Variants in FREM1 observed in about 807,000 individuals in gnomAD.
FREM1 encodes the protein FRAS1 related extracellular matrix 1.
A neutral mutation model predicts 210.1 loss-of-function variants in FREM1; 220 were observed. The ratio of observed to expected loss-of-function variants is 1.05; its 90% CI spans 0.94 to 1.17. The LOEUF (loss-of-function observed/expected upper bound fraction) is 1.17. Ranked by LOEUF, FREM1 falls within the 50% of genes most tolerant of loss-of-function variation. FREM1 has a pLI of 0.00. For missense variants in FREM1, 3,454 were observed against 2,675.5 expected, an observed-to-expected ratio of 1.29 and a Z score of -6.42; for synonymous variants, 1,189 against 980.2, an observed-to-expected ratio of 1.21 and a Z score of -3.98.
chr9:14,738,020 C>T (rs561485728), intron 36 of FREM1, among the ~76,000 whole-genome samples: 11 of 152,238 alleles, frequency 7.2e-5, no homozygotes, highest in African/African-American at 1.9e-4. Flanking sequence ...TATTCTCTTG[C>T]ATATTATTTT....
At chr9:14,879,297 G>GC (rs1834361202) in intron 1 of FREM1, among the ~76,000 whole-genome samples, 1 of 131,242 alleles carries the variant, frequency 7.6e-6, no homozygotes, top group South Asian at 2.3e-4. Flanking sequence ...CATTTTCTGT[G>GC]CCCATAACAC....
intron 1 of FREM1, among the ~76,000 whole-genome samples, chr9:14,908,759 C>T (rs1012472788): frequency 3.3e-5 from 5 of 152,170 alleles, no homozygotes; most frequent in Non-Finnish European, 7.3e-5. Context: ...CCAAGTGTGA[C>T]CCACCTGCTT....
rs549679158 is a variant in FREM1 at position 14,839,598 on chromosome 9, T to C, written c.1881+1849A>G. ...CACAGGGAATAAACTTATAACTAGA[T>C]CTACAGAGTTTAGTTTGACCAATTT... On this transcript the variant is annotated intron_variant, in intron 10 of 36. Coordinates refer to ENST00000380880, the MANE Select transcript of FREM1 (RefSeq NM_001379081.2). 2.6e-5 allele frequency among the ~76,000 whole-genome samples: 4 copies of C among 152,334 alleles called. No homozygotes were observed. The East Asian group carries it at 7.7e-4, about 29-fold the overall frequency.
intron 1 of FREM1, among the ~76,000 whole-genome samples, chr9:14,879,326 G>C (rs886514426): frequency 6.9e-6 from 1 of 145,696 alleles, no homozygotes; most frequent in African/African-American, 2.6e-5. Context: ...AGGAGGTTGA[G>C]ATTCTTGACT....
intron 15 of FREM1, 73 bp from the exon 16 acceptor site, chr9:14,813,137 C>T (rs1315709936): frequency 6.9e-7 from 1 of 1,443,288 alleles, no homozygotes; most frequent in East Asian, 2.3e-5. Flanking sequence ...TAATCCATTG[C>T]TCATAGTCAG....
At chr9:14,835,528 T>C (rs1207829611) in intron 10 of FREM1, among the ~76,000 whole-genome samples, 1 of 152,224 alleles carries the variant, frequency 6.6e-6, no homozygotes, top group African/African-American at 2.4e-5. Flanking sequence ...TACCACCTTG[T>C]CTATACAGTT....
At chr9:14,842,729 A>T in intron 8 of FREM1, 69 bp from the exon 9 acceptor site, 3 of 1,121,392 alleles carry the variant, frequency 2.7e-6, no homozygotes, top group Non-Finnish European at 4.0e-6. Flanking sequence ...TGGGGAAAGC[A>T]TCAATACAGT....
At chr9:14,824,666 G>C in intron 11 of FREM1, 130 bp downstream of exon 11, 1 of 634,796 alleles carries the variant, frequency 1.6e-6, no homozygotes, top group Middle Eastern at 4.2e-4. Flanking sequence ...ACGCTTAATT[G>C]AGTATAATTT....
At chr9:14,842,211 T>A in intron 9 of FREM1, 105 bp downstream of exon 9, 1 of 709,076 alleles carries the variant, frequency 1.4e-6, no homozygotes, top group South Asian at 2.0e-5. Flanking sequence ...ATGTTCACCT[T>A]AGGACAAACT....
chr9:14,828,375 A>C (rs142259306), intron 10 of FREM1, among the ~76,000 whole-genome samples: 3,073 of 152,246 alleles, frequency 0.02, 50 homozygotes, highest in Non-Finnish European at 0.03. Flanking sequence ...TGGAAGAGGA[A>C]TGTCTATCCT....
At chr9:14,752,346 G>C (rs190518628) in intron 29 of FREM1, among the ~76,000 whole-genome samples, 1 of 152,278 alleles carries the variant, frequency 6.6e-6, no homozygotes, top group Non-Finnish European at 1.5e-5. Context: ...AGATAGCAAA[G>C]CAGAGGTCTT....
chr9:14,808,699 A>G (rs1430865281), intron 16 of FREM1, among the ~76,000 whole-genome samples: 1 of 152,246 alleles, frequency 6.6e-6, no homozygotes, highest in Admixed American at 6.5e-5. Context: ...AAATAGCAAC[A>G]GTCTGTGGAA....
At chr9:14,841,143 C>G (rs893845886) in intron 10 of FREM1, among the ~76,000 whole-genome samples, 1 of 152,106 alleles carries the variant, frequency 6.6e-6, no homozygotes, top group Non-Finnish European at 1.5e-5. Context: ...ATTTAATCAC[C>G]ACATATAAAA....
intron 1 of FREM1, among the ~76,000 whole-genome samples, chr9:14,899,672 T>G (rs1012102007): frequency 6.6e-6 from 1 of 152,172 alleles, no homozygotes; most frequent in Non-Finnish European, 1.5e-5. Context: ...AATACCTTCT[T>G]AGAGTCTCCA....
chr9:14,740,247 G>A lies in FREM1; in HGVS notation c.6255-13C>T, dbSNP rs754584306. 2.5e-6 allele frequency: 4 copies of A among 1,573,118 alleles called. No individual in the cohort carries two copies. Among genetic ancestry groups the A allele is most frequent in the Non-Finnish European group, 3.5e-6 (4 of 1,143,388 alleles). On this transcript the variant is annotated splice_polypyrimidine_tract_variant and intron_variant, in intron 35 of 36. Transcript: ENST00000380880. ...GTTGCCCAGGTATCTAAATGCAAAT[G>A]AAAATGAGAGTATCAGCAACAAGCA...
At chr9:14,805,336 T>C (rs565241484) in intron 18 of FREM1, among the ~76,000 whole-genome samples, 184 bp from the exon 19 acceptor site, 5 of 152,286 alleles carry the variant, frequency 3.3e-5, no homozygotes, top group African/African-American at 9.6e-5. Flanking sequence ...AAGGCAGATA[T>C]CCACAGATCA....
chr9:14,782,475 G>T, intron 24 of FREM1: 1 of 286,660 alleles, frequency 3.5e-6, no homozygotes, highest in Non-Finnish European at 5.2e-6. Flanking sequence ...TGTCCTGTGG[G>T]CATTGACGGA....
rs1453704860 is a variant in FREM1 at position 14,836,583 on chromosome 9, AC to A, written c.1881+4863del. ...CCAGTCTTCTTTCTGGAATTGGTTA[AC>A]CCCTTTATTAAGCCCTCTCTTGCTT... is the stretch of plus-strand genomic sequence containing the variant. On this transcript the variant is annotated intron_variant, in intron 10 of 36. Transcript: ENST00000380880. The surrounding 1 kb of genome is among the most constrained non-coding windows in gnomAD (Gnocchi z 4.9). Among the ~76,000 whole-genome samples the A allele has an allele frequency of 1.3e-5, 2 of 151,788 alleles. No individual in the cohort carries two copies. Among genetic ancestry groups the A allele is most frequent in the African/African-American group, 2.4e-5 (1 of 41,284 alleles).
At chr9:14,798,113 A>G (rs1469839545) in intron 20 of FREM1, among the ~76,000 whole-genome samples, 2 of 152,170 alleles carry the variant, frequency 1.3e-5, no homozygotes, top group Non-Finnish European at 2.9e-5. Context: ...AACAGCCTAG[A>G]AAAAGAACAA....
Sources: gnomAD v4.1 joint callset for allele counts (sites outside exome capture counted in the v4.1 genomes callset) on GRCh38, gnomAD v4.1.1 for gene constraint, Gnocchi (gnomAD v3.1) non-coding constraint, MANE v1.5 for transcripts, NCBI Gene and HGNC (gene_info 2026-07-23, HGNC 2026-07-21) for gene names.